Variants in ARHGAP24 observed in about 807,000 individuals in gnomAD.
ARHGAP24 encodes the protein Rho GTPase activating protein 24.
ARHGAP24 carries 50 observed loss-of-function variants against 76.4 expected under a neutral mutation model. The observed-to-expected ratio is 0.65, with a 90% CI of 0.52 to 0.83. ARHGAP24 has a LOEUF of 0.83. Ranked by LOEUF, ARHGAP24 falls within the 40% of genes least tolerant of loss-of-function variation. ARHGAP24 has a pLI of 0.00. For missense variants in ARHGAP24, 930 were observed against 914.2 expected (o/e 1.02, Z -0.22); for synonymous variants, 345 against 323.3 (o/e 1.07, Z -0.72).
chr4:85,582,733 G>A (rs1490345769), intron 2 of ARHGAP24, among the ~76,000 whole-genome samples: 18 of 152,030 alleles, frequency 1.2e-4, no homozygotes, highest in East Asian at 1.9e-4. Flanking sequence ...TAGTATTACC[G>A]GGGGAAAAAA....
chr4:85,667,426 G>A (rs1722672429), intron 2 of ARHGAP24, among the ~76,000 whole-genome samples: 1 of 151,602 alleles, frequency 6.6e-6, no homozygotes, highest in African/African-American at 2.4e-5. Context: ...CTAGGAAAGG[G>A]AACTCCCTGA....
intron 3 of ARHGAP24, among the ~76,000 whole-genome samples, chr4:85,777,135 T>C (rs1478362885): frequency 6.6e-6 from 1 of 152,202 alleles, no homozygotes; most frequent in Non-Finnish European, 1.5e-5. Context: ...AGTTGCTTAT[T>C]TGTCAGCATT....
At chr4:85,586,529 A>C (rs1727867446) in intron 2 of ARHGAP24, among the ~76,000 whole-genome samples, 1 of 152,178 alleles carries the variant, frequency 6.6e-6, no homozygotes, top group Admixed American at 6.5e-5. Flanking sequence ...ACGATGTTAC[A>C]TCTATCATTT....
chr4:85,969,313 A>G (rs932867806), intron 5 of ARHGAP24, among the ~76,000 whole-genome samples: 2 of 152,274 alleles, frequency 1.3e-5, no homozygotes, highest in Non-Finnish European at 2.9e-5. Context: ...TAGATCATCA[A>G]TGAAACTTTA....
At chr4:85,593,578 C>A (rs10009686) in intron 2 of ARHGAP24, among the ~76,000 whole-genome samples, 29 of 152,072 alleles carry the variant, frequency 1.9e-4, no homozygotes, top group Non-Finnish European at 4.0e-4. Context: ...TTAGTAGTTT[C>A]ATAGTTTGAA....
rs1728757498 is a variant in ARHGAP24, at chr4:85,805,691, T to C, written c.268+83719T>C. On this transcript the variant is annotated intron_variant, in intron 3 of 9. Transcript: ENST00000395184. ...GTGTGCCGCAGCATTAAAATGTAAATTTTCTGAACTTCGGATTTTTCCTTT... is the reference window on the plus strand; with the variant it reads ...GTGTGCCGCAGCATTAAAATGTAAACTTTCTGAACTTCGGATTTTTCCTTT... Among the ~76,000 whole-genome samples, 4 of 152,180 alleles carry C rather than the reference T, an allele frequency of 2.6e-5. 1 individual carries two copies. The South Asian group carries it at 8.3e-4, about 31-fold the overall frequency.
intron 5 of ARHGAP24, among the ~76,000 whole-genome samples, chr4:85,965,127 GA>G (rs1738501876): frequency 6.6e-6 from 1 of 152,104 alleles, no homozygotes; most frequent in South Asian, 2.1e-4. Flanking sequence ...ATTCACAAAA[GA>G]AAGAGGTTTC....
At chr4:85,618,642 A>G (rs1720611771) in intron 2 of ARHGAP24, among the ~76,000 whole-genome samples, 1 of 151,936 alleles carries the variant, frequency 6.6e-6, no homozygotes, top group Non-Finnish European at 1.5e-5. Flanking sequence ...CAACACTAGT[A>G]ATCTTCTGTC....
chr4:85,967,970 A>G (rs1444730924), intron 5 of ARHGAP24, among the ~76,000 whole-genome samples: 1 of 152,174 alleles, frequency 6.6e-6, no homozygotes, highest in Non-Finnish European at 1.5e-5. Flanking sequence ...AGCGAGGTAC[A>G]GAGACAGCCC....
intron 3 of ARHGAP24, among the ~76,000 whole-genome samples, chr4:85,895,759 C>T (rs1283242122): frequency 6.6e-6 from 1 of 152,104 alleles, no homozygotes; most frequent in Non-Finnish European, 1.5e-5. Flanking sequence ...ACACTACTTG[C>T]ACGTAGCAGA....
chr4:85,719,270 C>T (rs4292320), intron 2 of ARHGAP24, among the ~76,000 whole-genome samples: 146,023 of 152,244 alleles, frequency 0.96, 70,339 homozygotes, highest in East Asian at 1. Flanking sequence ...AAATGGGAAA[C>T]GGGATCTATA....
At chr4:85,910,229 G>A (rs1419066917) in intron 3 of ARHGAP24, among the ~76,000 whole-genome samples, 1 of 152,206 alleles carries the variant, frequency 6.6e-6, no homozygotes, top group Non-Finnish European at 1.5e-5. Flanking sequence ...CAAAGAGGGA[G>A]TCACAGCCCT....
At chr4:85,965,698 C>G (rs1738554543) in intron 5 of ARHGAP24, among the ~76,000 whole-genome samples, 1 of 152,152 alleles carries the variant, frequency 6.6e-6, no homozygotes, top group East Asian at 1.9e-4. Context: ...TAACCCAGAT[C>G]AATTATACCA....
At chr4:85,864,789 G>A (rs1004500712) in intron 3 of ARHGAP24, among the ~76,000 whole-genome samples, 2 of 151,974 alleles carry the variant, frequency 1.3e-5, no homozygotes, top group African/African-American at 4.8e-5. Flanking sequence ...GACCAGTTAG[G>A]GAGAGGGAAT....
At chr4:85,657,187 T>C (rs567372839) in intron 2 of ARHGAP24, among the ~76,000 whole-genome samples, 1 of 152,298 alleles carries the variant, frequency 6.6e-6, no homozygotes, top group East Asian at 1.9e-4. Context: ...GGGCTATAAA[T>C]TTCTTCATCT....
intron 1 of ARHGAP24, among the ~76,000 whole-genome samples, chr4:85,518,361 A>T (rs2110109650): frequency 6.6e-6 from 1 of 152,000 alleles, no homozygotes; most frequent in South Asian, 2.1e-4. Context: ...TTTTTAAAAA[A>T]ATTTATTTAT....
At chr4:85,907,671 G>A (rs1391385444) in intron 3 of ARHGAP24, among the ~76,000 whole-genome samples, 4 of 152,180 alleles carry the variant, frequency 2.6e-5, no homozygotes, top group Admixed American at 2.6e-4. Flanking sequence ...ATTGGGATTA[G>A]AAATTGGAGA....
chr4:85,654,460 A>G (rs558141591), intron 2 of ARHGAP24, among the ~76,000 whole-genome samples: 2 of 152,324 alleles, frequency 1.3e-5, no homozygotes, highest in East Asian at 3.9e-4. Context: ...GAGTAGTCAG[A>G]AGAATCCTAC....
Position 85,572,702 on chromosome 4 carries a change from C to G in ARHGAP24, c.180+1981C>G, listed in dbSNP as rs376160460. 5.9e-5 allele frequency among the ~76,000 whole-genome samples: 9 copies of G among 151,862 alleles called. No individual in the cohort carries two copies. In the South Asian group the frequency reaches 1.7e-3, roughly 28 times the overall value. On this transcript the variant is annotated intron_variant, in intron 2 of 9. Coordinates refer to ENST00000395184, the MANE Select transcript of ARHGAP24 (RefSeq NM_001025616.3). Reference sequence around the variant, plus strand: ...GTAGACTTACTATAACTAAAATTAACAAAATAGACTTGTATTGACCAAAAA... The same window carrying G: ...GTAGACTTACTATAACTAAAATTAAGAAAATAGACTTGTATTGACCAAAAA...
Sources: gnomAD v4.1 joint callset for allele counts (sites outside exome capture counted in the v4.1 genomes callset) on GRCh38, gnomAD v4.1.1 for gene constraint, MANE v1.5 for transcripts, NCBI Gene and HGNC (gene_info 2026-07-23, HGNC 2026-07-21) for gene names.